Variants in SPICE1 observed in about 807,000 individuals in gnomAD.
SPICE1 encodes the protein spindle and centriole associated protein 1.
In SPICE1, 75 loss-of-function variants were observed where a neutral mutation model predicts 102.7. That is an observed-to-expected ratio of 0.73 (90% CI 0.61 to 0.88). SPICE1 has a LOEUF of 0.88. SPICE1 is among the 40% of genes least tolerant of loss of function. The pLI, the probability that SPICE1 is intolerant of heterozygous loss-of-function variation, is 0.00. For missense variants in SPICE1, 979 were observed against 1,020.1 expected (o/e 0.96, Z 0.55); for synonymous variants, 308 against 350.3 (o/e 0.88, Z 1.35).
intron 7 of SPICE1, among the ~76,000 whole-genome samples, chr3:113,488,361 C>G (rs1490751484): frequency 3.3e-5 from 5 of 152,062 alleles, no homozygotes; most frequent in Non-Finnish European, 7.4e-5. Flanking sequence ...GCCCAACGAC[C>G]AATGAGTGGA....
At chr3:113,484,019 G>T (rs914918239) in intron 7 of SPICE1, among the ~76,000 whole-genome samples, 2 of 152,176 alleles carry the variant, frequency 1.3e-5, no homozygotes, top group Middle Eastern at 3.4e-3. Context: ...GACTTTTTTT[G>T]GTTGGTAGGC....
In SPICE1 at chr3:113,494,140, A is replaced by C; in HGVS notation, c.294T>G (p.Ile98Met). Residue 98 changes from isoleucine (I) to methionine (M), a missense_variant and splice_region_variant, in exon 5 of 18, where the codon ATT (isoleucine) becomes ATG (methionine). Transcript: ENST00000295872. ...CTTGCATCTGGTATTGATCAGAAAG[A>C]ATCTAGACATGTGTTAATGACAAAT... ...EKRRLSIMKE[I>M]LSDQYQMQDV... 6.3e-7 allele frequency: 1 copy of C among 1,586,024 alleles called. No homozygotes were observed.
chr3:113,509,587 A>G (rs1054050697), intron 1 of SPICE1, among the ~76,000 whole-genome samples: 3 of 152,194 alleles, frequency 2.0e-5, no homozygotes, highest in Non-Finnish European at 4.4e-5. Flanking sequence ...GAGAGACAAT[A>G]TAGTATAAAG....
intron 1 of SPICE1, among the ~76,000 whole-genome samples, chr3:113,513,722 C>T (rs2107513930): frequency 6.6e-6 from 1 of 152,260 alleles, no homozygotes; most frequent in East Asian, 1.9e-4. Flanking sequence ...CGCTCTTCTC[C>T]ATCTCTACTA....
chr3:113,461,599 G>T (rs1305287577), intron 11 of SPICE1, among the ~76,000 whole-genome samples: 1 of 152,160 alleles, frequency 6.6e-6, no homozygotes, highest in Non-Finnish European at 1.5e-5. Context: ...TCTAAGTTAT[G>T]TATTGGTGTT....
intron 7 of SPICE1, 114 bp from the exon 8 acceptor site, chr3:113,469,352 T>G (rs1244907926): frequency 4.3e-6 from 1 of 235,076 alleles, no homozygotes; most frequent in Non-Finnish European, 7.0e-6. Context: ...TCTATATTAT[T>G]ATAATTTATA....
rs537192484 is a variant in SPICE1, at chr3:113,471,386, G to A, written c.612-2148C>T. Among the ~76,000 whole-genome samples the A allele has an allele frequency of 1.2e-4, 18 of 152,332 alleles. No individual in the cohort carries two copies. The East Asian group carries it at 3.5e-3, about 29-fold the overall frequency. ...TTGACACCCACACAGAGGAGATGAT[G>A]TGAAGACAAGAGGCAGAGATTGGTG... On this transcript the variant is annotated intron_variant, in intron 7 of 17. Coordinates refer to ENST00000295872, the MANE Select transcript of SPICE1 (RefSeq NM_144718.4).
intron 12 of SPICE1, among the ~76,000 whole-genome samples, chr3:113,458,037 T>A (rs542021566): frequency 6.6e-6 from 1 of 152,294 alleles, no homozygotes; most frequent in East Asian, 1.9e-4. Context: ...TCACATTCCA[T>A]AGTATTTTAA....
chr3:113,485,539 T>C (rs965010009), intron 7 of SPICE1, among the ~76,000 whole-genome samples: 1 of 151,874 alleles, frequency 6.6e-6, no homozygotes, highest in Non-Finnish European at 1.5e-5. Flanking sequence ...TTCTCCTCAA[T>C]GGGCAGAACA....
At chr3:113,459,644 G>GATTAC in intron 12 of SPICE1, 1 of 963,118 alleles carries the variant, frequency 1.0e-6, no homozygotes, top group Non-Finnish European at 1.2e-6. Context: ...AACACTTTGG[G>GATTAC]AGGCCAAGGC....
intron 14 of SPICE1, among the ~76,000 whole-genome samples, chr3:113,451,559 T>C (rs888837874): frequency 6.6e-6 from 1 of 152,188 alleles, no homozygotes; most frequent in Admixed American, 6.5e-5. Context: ...GACAGAAATA[T>C]TAGATAGTCC....
At chr3:113,483,400 T>G (rs1214086122) in intron 7 of SPICE1, among the ~76,000 whole-genome samples, 1 of 152,200 alleles carries the variant, frequency 6.6e-6, no homozygotes, top group Admixed American at 6.5e-5. Flanking sequence ...CCTTTATTTC[T>G]GTCTCTTGCC....
chr3:113,487,219 G>A (rs1157290684), intron 7 of SPICE1, among the ~76,000 whole-genome samples: 1 of 152,018 alleles, frequency 6.6e-6, no homozygotes, highest in Non-Finnish European at 1.5e-5. Context: ...TGTATTGCAG[G>A]ATTGAATATG....
At position 113,493,295 on chromosome 3, in the gene SPICE1, C is replaced by T. The variant is rs1268368435; in HGVS notation, c.403G>A (p.Val135Met). 2.5e-6 allele frequency: 4 copies of T among 1,613,750 alleles called. No homozygotes were observed. Among genetic ancestry groups the T allele is most frequent in the Non-Finnish European group, 2.5e-6 (3 of 1,179,858 alleles). The change falls in exon 6 of 18, where the codon GTG becomes ATG. Residue 135 changes from valine (V) to methionine (M), a missense_variant. By Grantham distance (21) the Val-to-Met change is conservative. Coordinates refer to ENST00000295872, the MANE Select transcript of SPICE1 (RefSeq NM_144718.4). ...GGACCCTGAGAGGAATCAGGAGCCA[C>T]TGTTACATTTGGAAACCCTGCAAAA... Reference protein sequence around the residue: ...RRRTGFPNVTVAPDSSQGPIV... With the variant: ...RRRTGFPNVTMAPDSSQGPIV...
rs1455739129 is a variant in SPICE1, at chr3:113,443,773, TCA to T, written c.*1532_*1533del. The T allele has an allele frequency of 6.6e-6, 1 of 152,152 alleles. No homozygotes were observed. Among genetic ancestry groups the T allele is most frequent in the Non-Finnish European group, 1.5e-5 (1 of 68,028 alleles). 9.4% of individuals were successfully genotyped at this position (152,152 alleles called of 1,614,324 possible). ...CCTTGAGAAAATACCTCCTTGTACC[TCA>T]GTTTCCTCATCTGCAAAATGAGGAT... On this transcript the variant is annotated 3_prime_UTR_variant, in exon 18 of 18. Transcript: ENST00000295872.
intron 7 of SPICE1, among the ~76,000 whole-genome samples, chr3:113,479,006 GC>G (rs1434558584): frequency 6.6e-6 from 1 of 151,802 alleles, no homozygotes; most frequent in Non-Finnish European, 1.5e-5. Context: ...TTAAGTTTTA[GC>G]GTACATGTGC....
intron 7 of SPICE1, among the ~76,000 whole-genome samples, chr3:113,474,262 T>C (rs1186348223): frequency 6.6e-6 from 1 of 152,040 alleles, no homozygotes; most frequent in Admixed American, 6.5e-5. Flanking sequence ...ATGCACCCAA[T>C]ACAGGAGCAC....
intron 4 of SPICE1, among the ~76,000 whole-genome samples, chr3:113,495,444 C>T (rs77202396): frequency 0.025 from 3,757 of 152,286 alleles, 61 homozygotes; most frequent in East Asian, 0.048. Context: ...AGCAGGTTGG[C>T]TGACTCAGTG....
chr3:113,464,822 A>G (rs1230029251), intron 11 of SPICE1, among the ~76,000 whole-genome samples: 1 of 152,212 alleles, frequency 6.6e-6, no homozygotes, highest in East Asian at 1.9e-4. Flanking sequence ...AAGTGCACAA[A>G]GAAGCAAGGT....
Sources: allele counts gnomAD v4.1 joint callset (sites outside exome capture counted in the v4.1 genomes callset), GRCh38; gene constraint gnomAD v4.1.1; transcripts MANE v1.5; gene names NCBI Gene and HGNC (gene_info 2026-07-23, HGNC 2026-07-21).